Variants in KIAA1217 observed in about 807,000 individuals in gnomAD.
KIAA1217 encodes sickle tail protein homolog.
A neutral mutation model predicts 163.9 loss-of-function variants in KIAA1217; 88 were observed. The observed-to-expected ratio is 0.54, with a 90% confidence interval of 0.45 to 0.64. KIAA1217 has a LOEUF of 0.64. Ranked by LOEUF, KIAA1217 falls within the 30% of genes least tolerant of loss-of-function variation. The pLI is 0.00. For missense variants in KIAA1217, 2,372 were observed against 2,475.0 expected, an observed-to-expected ratio of 0.96 and a Z score of 0.88; for synonymous variants, 903 against 923.1, an observed-to-expected ratio of 0.98 and a Z score of 0.39.
At chr10:24,090,729 CG>C (rs1205477662) in intron 2 of KIAA1217, among the ~76,000 whole-genome samples, 3 of 151,810 alleles carry the variant, frequency 2.0e-5, no homozygotes, top group Non-Finnish European at 1.5e-5. Context: ...ACTTCACAAT[CG>C]CAGAGCTGCT....
At chr10:23,793,474 T>A (rs769233787) in intron 1 of KIAA1217, among the ~76,000 whole-genome samples, 17 of 152,228 alleles carry the variant, frequency 1.1e-4, no homozygotes, top group Admixed American at 2.0e-4. Flanking sequence ...TCCCTCCTTG[T>A]CTTCCAGTTC....
At chr10:23,824,337 A>G (rs1255087677) in intron 1 of KIAA1217, among the ~76,000 whole-genome samples, 2 of 151,150 alleles carry the variant, frequency 1.3e-5, no homozygotes, top group Admixed American at 6.6e-5. Context: ...AAAGATACAT[A>G]AAGATATGTA....
chr10:24,322,888 G>A (rs189745896), intron 2 of KIAA1217, among the ~76,000 whole-genome samples: 24 of 152,314 alleles, frequency 1.6e-4, no homozygotes, highest in Non-Finnish European at 2.6e-4. Flanking sequence ...TTCTTTAGAA[G>A]TTTGATAGAG....
At chr10:24,101,791 GTTTTGCT>G (rs1564702985) in intron 2 of KIAA1217, among the ~76,000 whole-genome samples, 1 of 151,960 alleles carries the variant, frequency 6.6e-6, no homozygotes. Flanking sequence ...TTTGGTTCTG[GTTTTGCT>G]TTTTGCTTTT....
intron 2 of KIAA1217, among the ~76,000 whole-genome samples, chr10:24,361,171 T>C (rs562910133): frequency 8.2e-4 from 49 of 59,550 alleles, no homozygotes; most frequent in African/African-American, 2.0e-3. Flanking sequence ...GCACATGCCA[T>C]TTTTTTTTCT....
intron 3 of KIAA1217, among the ~76,000 whole-genome samples, chr10:24,402,229 A>G (rs2056605634): frequency 6.6e-6 from 1 of 152,166 alleles, no homozygotes. Flanking sequence ...ACGAGTGGTC[A>G]GGCGCAGTGA....
chr10:23,754,827 C>T (rs1833838798), intron 1 of KIAA1217, among the ~76,000 whole-genome samples: 2 of 149,100 alleles, frequency 1.3e-5, no homozygotes, highest in South Asian at 2.1e-4. Context: ...GCCGTTGTAC[C>T]ATTTCCTGCA....
intron 13 of KIAA1217, among the ~76,000 whole-genome samples, chr10:24,525,978 G>A (rs2072095858): frequency 6.6e-6 from 1 of 152,202 alleles, no homozygotes; most frequent in Non-Finnish European, 1.5e-5. Flanking sequence ...GCGACAGAGT[G>A]AGACCCTGTC....
intron 1 of KIAA1217, among the ~76,000 whole-genome samples, chr10:23,959,677 G>A (rs1844733815): frequency 6.6e-6 from 1 of 152,098 alleles, no homozygotes; most frequent in Non-Finnish European, 1.5e-5. Context: ...GATGAAGAGT[G>A]GACAGTCCAT....
At chr10:24,090,218 G>A (rs536912082) in intron 2 of KIAA1217, among the ~76,000 whole-genome samples, 1 of 139,650 alleles carries the variant, frequency 7.2e-6, no homozygotes, top group East Asian at 2.1e-4. Flanking sequence ...TCAGGCTGGA[G>A]TGCAGTGGCA....
intron 2 of KIAA1217, among the ~76,000 whole-genome samples, chr10:24,351,016 C>T (rs1001455090): frequency 2.0e-5 from 3 of 151,092 alleles, no homozygotes; most frequent in African/African-American, 2.4e-5. Context: ...AGTGTGATCT[C>T]GGCTTACTGC....
chr10:24,088,253 A>G (rs1250112282), intron 2 of KIAA1217, among the ~76,000 whole-genome samples: 1 of 103,216 alleles, frequency 9.7e-6, no homozygotes, highest in African/African-American at 3.3e-5. Flanking sequence ...TTTTTTTAAT[A>G]TACATATATA....
intron 1 of KIAA1217, among the ~76,000 whole-genome samples, chr10:23,730,619 C>A (rs1041857097): frequency 1.3e-5 from 2 of 151,468 alleles, no homozygotes; most frequent in Admixed American, 1.3e-4. Context: ...GTCTTCCTAT[C>A]CATGAACATG....
intron 1 of KIAA1217, among the ~76,000 whole-genome samples, chr10:23,888,394 G>A (rs1012545354): frequency 4.0e-5 from 6 of 151,778 alleles, no homozygotes; most frequent in Non-Finnish European, 8.8e-5. Context: ...CTCTTTCTAG[G>A]GAGAAGTGAG....
At chr10:23,887,400 A>G (rs1269699216) in intron 1 of KIAA1217, among the ~76,000 whole-genome samples, 1 of 151,928 alleles carries the variant, frequency 6.6e-6, no homozygotes, top group Non-Finnish European at 1.5e-5. Flanking sequence ...AAAGAGTTGT[A>G]AAAGAAAGAA....
At chr10:23,786,137 T>C (rs146306805) in intron 1 of KIAA1217, among the ~76,000 whole-genome samples, 274 of 152,180 alleles carry the variant, frequency 1.8e-3, no homozygotes, top group African/African-American at 6.3e-3. Flanking sequence ...TAACAAATAA[T>C]TGAGCAACAG....
intron 2 of KIAA1217, among the ~76,000 whole-genome samples, chr10:24,063,634 G>T (rs1457774385): frequency 6.6e-6 from 1 of 152,228 alleles, no homozygotes; most frequent in Middle Eastern, 3.4e-3. Flanking sequence ...CTCTTTTTTG[G>T]TTCCATATGA....
At chr10:24,111,493 G>A (rs1263613142) in intron 2 of KIAA1217, among the ~76,000 whole-genome samples, 2 of 152,096 alleles carry the variant, frequency 1.3e-5, no homozygotes, top group African/African-American at 2.4e-5. Context: ...TGCTTATTCA[G>A]CTTTAAGGAA....
intron 1 of KIAA1217, among the ~76,000 whole-genome samples, chr10:24,217,791 C>A (rs539259039): frequency 9.8e-5 from 15 of 152,290 alleles, no homozygotes; most frequent in Admixed American, 3.3e-4. Flanking sequence ...CTGCACTTAA[C>A]TTGTAAAGAT....
Sources: allele counts gnomAD v4.1 joint callset (sites outside exome capture counted in the v4.1 genomes callset), GRCh38; gene constraint gnomAD v4.1.1; transcripts MANE v1.5; gene names NCBI Gene and HGNC (gene_info 2026-07-23, HGNC 2026-07-21).